Variants in ASPH observed in about 807,000 individuals in gnomAD.
The protein encoded by ASPH is aspartate beta-hydroxylase, also known as aspartyl/asparaginyl beta-hydroxylase.
Under a neutral mutation model 118.4 loss-of-function variants are expected in ASPH, and 100 were observed. That is an observed-to-expected ratio of 0.84 (90% CI 0.72 to 1.00). ASPH has a LOEUF of 1.00. Among genes scored for constraint, ASPH ranks in the 50% least tolerant of loss-of-function variants. The probability of loss-of-function intolerance (pLI) is 0.00; values close to 1 mark genes in which losing one functional copy is unlikely to be tolerated. For missense variants in ASPH, 920 were observed against 919.5 expected, an observed-to-expected ratio of 1.00 and a Z score of -0.01; for synonymous variants, 315 against 325.6, an observed-to-expected ratio of 0.97 and a Z score of 0.35.
chr8:61,664,952 A>C, intron 3 of ASPH: 2 of 1,116,848 alleles, frequency 1.8e-6, no homozygotes, highest in Non-Finnish European at 1.1e-6. Context: ...ACGTCAATGA[A>C]AGTATTCAAT....
chr8:61,641,568 C>A (rs1476934366), intron 10 of ASPH, among the ~76,000 whole-genome samples: 1 of 152,150 alleles, frequency 6.6e-6, no homozygotes, highest in African/African-American at 2.4e-5. Flanking sequence ...CTTAAAGACA[C>A]AACCTAGGAT....
At chr8:61,672,364 A>AG (rs1823012624) in intron 3 of ASPH, among the ~76,000 whole-genome samples, 1 of 152,178 alleles carries the variant, frequency 6.6e-6, no homozygotes, top group African/African-American at 2.4e-5. Flanking sequence ...CCAGAGACAG[A>AG]GAAAAAAAGG....
chr8:61,665,982 A>G lies in ASPH; in HGVS notation c.323-12322T>C, dbSNP rs558074458. Reference sequence around the variant, plus strand: ...CTGGCAACGTAAGAACAAATTTTTCATAATTTGTAAGAATATATACAAAGA... The same window carrying G: ...CTGGCAACGTAAGAACAAATTTTTCGTAATTTGTAAGAATATATACAAAGA... On this transcript the variant is annotated intron_variant, in intron 3 of 24. Coordinates refer to ENST00000379454, the MANE Select transcript of ASPH (RefSeq NM_004318.4). 3.5e-4 allele frequency among the ~76,000 whole-genome samples: 53 copies of G among 152,324 alleles called. 1 individual carries two copies. The South Asian group carries it at 0.011, about 31-fold the overall frequency.
Position 61,641,379 on chromosome 8 carries a change from C to A in ASPH, c.790+1509G>T, listed in dbSNP as rs74346370. ...GAAATGAGGAAAATATCTCAAATCC[C>A]ATCATTACATGCAACTTGTATTTAT... On this transcript the variant is annotated intron_variant, in intron 10 of 24. Transcript: ENST00000379454. Among the ~76,000 whole-genome samples, 105 of 152,118 alleles carry A rather than the reference C, an allele frequency of 6.9e-4. 1 individual carries two copies. The East Asian group carries it at 0.018, about 26-fold the overall frequency.
intron 16 of ASPH, among the ~76,000 whole-genome samples, chr8:61,568,035 C>T (rs1832323812): frequency 6.6e-6 from 1 of 152,006 alleles, no homozygotes; most frequent in Non-Finnish European, 1.5e-5. Context: ...GAGGACAGGC[C>T]AGTGCAGTGG....
chr8:61,617,696 C>G (rs147261056), intron 14 of ASPH, among the ~76,000 whole-genome samples: 3 of 151,788 alleles, frequency 2.0e-5, no homozygotes, highest in Non-Finnish European at 2.9e-5. Context: ...TTTGGGAGGC[C>G]GAGGTGGGAG....
At chr8:61,679,669 T>TC (rs1174567504) in intron 3 of ASPH, among the ~76,000 whole-genome samples, 2 of 151,868 alleles carry the variant, frequency 1.3e-5, no homozygotes, top group African/African-American at 4.8e-5. Context: ...ATAAAAAGCT[T>TC]TGCTATTCAG....
intron 21 of ASPH, among the ~76,000 whole-genome samples, chr8:61,541,580 G>T (rs1237840842): frequency 6.6e-6 from 1 of 152,116 alleles, no homozygotes. Context: ...ATGTTCCAGG[G>T]TCTGTCAACT....
chr8:61,588,764 C>T (rs1355448003), intron 14 of ASPH, among the ~76,000 whole-genome samples: 5 of 152,146 alleles, frequency 3.3e-5, no homozygotes, highest in African/African-American at 9.7e-5. Context: ...CTCCTAATTA[C>T]GGACCCAAGA....
chr8:61,670,738 GA>G (rs1347452028), intron 3 of ASPH, among the ~76,000 whole-genome samples: 3 of 151,750 alleles, frequency 2.0e-5, no homozygotes, highest in African/African-American at 7.3e-5. Flanking sequence ...GCTAGCTTTG[GA>G]AACCAGAGGA....
At chr8:61,609,323 G>A (rs1050095321) in intron 14 of ASPH, among the ~76,000 whole-genome samples, 4 of 152,148 alleles carry the variant, frequency 2.6e-5, no homozygotes, top group Admixed American at 6.6e-5. Flanking sequence ...TCCCTATGAG[G>A]CTAGGTTTCT....
intron 24 of ASPH, among the ~76,000 whole-genome samples, chr8:61,516,747 C>T (rs373631184): frequency 6.2e-4 from 95 of 152,112 alleles, no homozygotes; most frequent in African/African-American, 2.0e-3. Context: ...AAAAGACGGG[C>T]ATTCTAGGGA....
At chr8:61,704,619 A>G (rs1836132047) in intron 1 of ASPH, among the ~76,000 whole-genome samples, 1 of 152,322 alleles carries the variant, frequency 6.6e-6, no homozygotes, top group Non-Finnish European at 1.5e-5. Context: ...TCCAGAATAC[A>G]TAAAGAATTA....
intron 18 of ASPH, among the ~76,000 whole-genome samples, chr8:61,556,412 T>C (rs1288613185): frequency 6.6e-6 from 1 of 152,246 alleles, no homozygotes; most frequent in African/African-American, 2.4e-5. Context: ...CAATTCTGAA[T>C]GGTTATTAGA....
At chr8:61,514,311 G>A (rs1338829494) in intron 24 of ASPH, among the ~76,000 whole-genome samples, 2 of 150,474 alleles carry the variant, frequency 1.3e-5, no homozygotes, top group Non-Finnish European at 2.9e-5. Flanking sequence ...TGCCTAAGTA[G>A]ATTTTTTTTT....
intron 24 of ASPH, among the ~76,000 whole-genome samples, chr8:61,505,248 C>A (rs986287603): frequency 1.3e-5 from 2 of 152,160 alleles, no homozygotes; most frequent in African/African-American, 4.8e-5. Context: ...GTAATCTCAG[C>A]ACTTTGGGAG....
intron 3 of ASPH, chr8:61,665,697 T>C (rs1819231423): frequency 6.0e-6 from 8 of 1,343,502 alleles, no homozygotes; most frequent in Non-Finnish European, 1.0e-6. Context: ...ATTCTCTTTT[T>C]ATCTCTCCAC....
At chr8:61,680,838 T>C (rs1827697692) in intron 3 of ASPH, 130 bp downstream of exon 3, 1 of 639,288 alleles carries the variant, frequency 1.6e-6, no homozygotes, top group Admixed American at 3.7e-5. Flanking sequence ...TTAACAGTAA[T>C]GAAATATATG....
intron 3 of ASPH, among the ~76,000 whole-genome samples, chr8:61,671,629 A>G (rs1197730178): frequency 6.6e-6 from 1 of 152,204 alleles, no homozygotes; most frequent in Non-Finnish European, 1.5e-5. Flanking sequence ...TTTTGATGTA[A>G]GTATTTAAAG....
Sources: allele counts gnomAD v4.1 joint callset (sites outside exome capture counted in the v4.1 genomes callset), GRCh38; gene constraint gnomAD v4.1.1; transcripts MANE v1.5; gene names NCBI Gene and HGNC (gene_info 2026-07-23, HGNC 2026-07-21).